Variants in PRR16 observed in about 807,000 individuals in gnomAD.
PRR16 encodes protein Largen.
A neutral mutation model predicts 18.2 loss-of-function variants in PRR16; 6 were observed. The ratio of observed to expected loss-of-function variants is 0.33; its 90% CI spans 0.18 to 0.65. PRR16 has a LOEUF of 0.65. Ranked by LOEUF, PRR16 falls within the 30% of genes least tolerant of loss-of-function variation. PRR16 has a pLI of 0.74. For missense variants in PRR16, 412 were observed against 376.6 expected, an observed-to-expected ratio of 1.09 and a Z score of -0.78; for synonymous variants, 151 against 147.8, an observed-to-expected ratio of 1.02 and a Z score of -0.16.
rs1156801646 is a variant in PRR16 at position 120,534,673 on chromosome 5, AT to A, written c.159+70032del. Among the ~76,000 whole-genome samples, 3 of 152,234 alleles carry A rather than the reference AT, an allele frequency of 2.0e-5. No homozygotes were observed. In the East Asian group the frequency reaches 5.8e-4, roughly 29 times the overall value. On this transcript the variant is annotated intron_variant, in intron 1 of 1. Transcript: ENST00000407149. ...CACACTCAGCATAAGTTGGTCCATCATTTTGTTTTCAGCATATTTCTAAAGA... is the reference window on the plus strand; with the variant it reads ...CACACTCAGCATAAGTTGGTCCATCATTTGTTTTCAGCATATTTCTAAAGA...
chr5:120,585,920 A>G (rs1340278715), intron 1 of PRR16, among the ~76,000 whole-genome samples: 1 of 152,108 alleles, frequency 6.6e-6, no homozygotes, highest in Non-Finnish European at 1.5e-5. Flanking sequence ...TCATGCTTGT[A>G]ATCCCAGCAC....
At chr5:120,609,449 T>C (rs1754264988) in intron 1 of PRR16, among the ~76,000 whole-genome samples, 1 of 152,178 alleles carries the variant, frequency 6.6e-6, no homozygotes, top group Non-Finnish European at 1.5e-5. Flanking sequence ...TATTGAGTTG[T>C]TTACTTAGCT....
intron 1 of PRR16, among the ~76,000 whole-genome samples, chr5:120,633,043 C>T (rs1364359872): frequency 6.6e-6 from 1 of 152,016 alleles, no homozygotes; most frequent in Admixed American, 6.6e-5. Flanking sequence ...TCAGCAGAAA[C>T]CATCAGGATA....
At chr5:120,555,404 C>G (rs1580719816) in intron 1 of PRR16, among the ~76,000 whole-genome samples, 2 of 151,902 alleles carry the variant, frequency 1.3e-5, no homozygotes, top group African/African-American at 4.8e-5. Context: ...TGCTCTGGAG[C>G]AAGAAAGTTC....
At chr5:120,779,895 A>T in the PRR16 span, among the ~76,000 whole-genome samples, 20 of 152,284 alleles carry the variant, frequency 1.3e-4, no homozygotes, top group East Asian at 1.4e-3. Context: ...CTTTTCAAGA[A>T]TCAAGCTCTT....
chr5:120,518,032 G>A (rs4895160), intron 1 of PRR16, among the ~76,000 whole-genome samples: 29,383 of 152,094 alleles, frequency 0.19, 3,040 homozygotes, highest in Middle Eastern at 0.24. Context: ...TGAGTTACAG[G>A]ATCTGGTGTT....
intron 1 of PRR16, among the ~76,000 whole-genome samples, chr5:120,536,595 A>G (rs768146552): frequency 6.6e-6 from 1 of 152,222 alleles, no homozygotes; most frequent in Non-Finnish European, 1.5e-5. Context: ...TTCATGAGAA[A>G]GGATGGCAGT....
At chr5:120,692,034 A>G (rs1388100785), downstream of PRR16, among the ~76,000 whole-genome samples, 1 of 152,198 alleles carries the variant, frequency 6.6e-6, no homozygotes, top group Non-Finnish European at 1.5e-5. Flanking sequence ...AGGGCCAGTA[A>G]GTGGTCAAGT....
intron 1 of PRR16, among the ~76,000 whole-genome samples, chr5:120,627,048 T>C (rs1319470546): frequency 6.6e-6 from 1 of 152,130 alleles, no homozygotes; most frequent in East Asian, 1.9e-4. Flanking sequence ...GTACCCTGGG[T>C]GAGTAACTAA....
At chr5:120,479,879 A>G (rs1365367041) in intron 1 of PRR16, among the ~76,000 whole-genome samples, 2 of 152,170 alleles carry the variant, frequency 1.3e-5, no homozygotes, top group African/African-American at 4.8e-5. Context: ...GTTAGTCATC[A>G]TTAGATGAAG....
At chr5:120,710,650 A>T in the PRR16 span, 9 of 152,182 alleles carry the variant, frequency 5.9e-5, no homozygotes, top group African/African-American at 1.9e-4. Context: ...TGACAAGATT[A>T]GTCGCTCAAA....
chr5:120,794,166 A>C, the PRR16 span, among the ~76,000 whole-genome samples: 32,742 of 152,090 alleles, frequency 0.22, 4,394 homozygotes, highest in Non-Finnish European at 0.29. Context: ...GCCAAAACAA[A>C]GAGATGCAGA....
At chr5:120,628,292 A>C (rs1205937672) in intron 1 of PRR16, among the ~76,000 whole-genome samples, 3 of 152,050 alleles carry the variant, frequency 2.0e-5, no homozygotes, top group Non-Finnish European at 4.4e-5. Flanking sequence ...TTTTCTAGTT[A>C]TATTTATTTA....
chr5:120,584,229 T>C lies in PRR16; in HGVS notation c.160-101725T>C, dbSNP rs541130182. ...GTATCTAGGACATAAAGGAGAAGTT[T>C]ATTATTGAAAAGACTTACCTGAAAT... is the stretch of plus-strand genomic sequence containing the variant. On this transcript the variant is annotated intron_variant, in intron 1 of 1. Coordinates refer to ENST00000407149, the MANE Select transcript of PRR16 (RefSeq NM_001300783.2). 8.5e-5 allele frequency among the ~76,000 whole-genome samples: 13 copies of C among 152,292 alleles called. No individual in the cohort carries two copies. In the East Asian group the frequency reaches 2.5e-3, roughly 29 times the overall value.
At chr5:120,707,124 T>A in the PRR16 span, among the ~76,000 whole-genome samples, 7 of 152,192 alleles carry the variant, frequency 4.6e-5, no homozygotes, top group Non-Finnish European at 7.3e-5. Context: ...CTAAATGCTC[T>A]AAGAAAAGTG....
chr5:120,648,995 C>T (rs1755688298), intron 1 of PRR16, among the ~76,000 whole-genome samples: 1 of 151,994 alleles, frequency 6.6e-6, no homozygotes, highest in African/African-American at 2.4e-5. Context: ...ATGGTTATTG[C>T]TTTTGTTTTT....
At chr5:120,542,844 A>G (rs1384677243) in intron 1 of PRR16, among the ~76,000 whole-genome samples, 4 of 152,166 alleles carry the variant, frequency 2.6e-5, no homozygotes, top group African/African-American at 9.6e-5. Context: ...GACACCTAAG[A>G]TAGTGTTTAT....
chr5:120,525,993 T>A (rs1354244850), intron 1 of PRR16, among the ~76,000 whole-genome samples: 1 of 152,150 alleles, frequency 6.6e-6, no homozygotes, highest in Non-Finnish European at 1.5e-5. Context: ...GAAGAAAAAA[T>A]TTGATTTAAT....
chr5:120,666,217 G>A lies in PRR16; in HGVS notation c.160-19737G>A, dbSNP rs201495641. On this transcript the variant is annotated intron_variant, in intron 1 of 1. Coordinates refer to ENST00000407149, the MANE Select transcript of PRR16 (RefSeq NM_001300783.2). ...TCCTAGGTATTTTATTCTCTTTGAA[G>A]CAATTGTGAATGGGAATTCACTCAT... is the stretch of plus-strand genomic sequence containing the variant. Among the ~76,000 whole-genome samples the A allele has an allele frequency of 5.9e-5, 9 of 152,260 alleles. No individual in the cohort carries two copies. The East Asian group carries it at 1.5e-3, about 26-fold the overall frequency.
Sources: gnomAD v4.1 joint callset for allele counts (sites outside exome capture counted in the v4.1 genomes callset) on GRCh38, gnomAD v4.1.1 for gene constraint, MANE v1.5 for transcripts, NCBI Gene and HGNC (gene_info 2026-07-23, HGNC 2026-07-21) for gene names.